ZNF609: variants seen among roughly 807,000 people sequenced by gnomAD.
ZNF609 encodes the protein zinc finger protein 609.
A neutral mutation model predicts 109.5 loss-of-function variants in ZNF609; 11 were observed. The ratio of observed to expected loss-of-function variants is 0.10; its 90% CI spans 0.06 to 0.17. The LOEUF (loss-of-function observed/expected upper bound fraction) is 0.17, where lower values mean the gene tolerates loss of function less well. Among genes scored for constraint, ZNF609 ranks in the 10% least tolerant of loss-of-function variants. The probability of loss-of-function intolerance (pLI) is 1.00; values close to 1 mark genes in which losing one functional copy is unlikely to be tolerated. For missense variants in ZNF609, 1,559 were observed against 1,772.4 expected, an observed-to-expected ratio of 0.88 and a Z score of 2.16; for synonymous variants, 646 against 662.0, an observed-to-expected ratio of 0.98 and a Z score of 0.37.
chr15:64,616,969 C>T (rs1356325556), intron 2 of ZNF609, among the ~76,000 whole-genome samples: 24 of 151,284 alleles, frequency 1.6e-4, no homozygotes, highest in African/African-American at 2.4e-4. Flanking sequence ...CCACCATGCC[C>T]GGCTAATTTT....
rs756654600 is a variant in ZNF609, at chr15:64,675,292, T to A, written c.2438T>A (p.Leu813His). 9 of 1,613,978 alleles carry A rather than the reference T, an allele frequency of 5.6e-6. No homozygotes were observed. Among genetic ancestry groups the A allele is most frequent in the Non-Finnish European group, 6.8e-6 (8 of 1,180,030 alleles). Reference protein sequence around the residue: ...PSPSIGGSSRLENTTPTQPLT... With the variant: ...PSPSIGGSSRHENTTPTQPLT... ...CCTTCCATTGGAGGCAGTAGCCGCC[T>A]TGAAAACACTACCCCTACTCAGCCC... The change falls in exon 5 of 10, where the codon CTT becomes CAT. Residue 813 changes from leucine to histidine, a missense_variant. By Grantham distance (99) the Leu-to-His change is moderately conservative. This residue lies in a region of ZNF609 where 1,204 missense variants were observed against 1,314.1 expected (regional missense o/e 0.92). Transcript: ENST00000326648.
intron 3 of ZNF609, chr15:64,631,138 C>A: frequency 3.5e-6 from 2 of 578,096 alleles, no homozygotes; most frequent in African/African-American, 1.9e-5. Flanking sequence ...GGAAGAGGTT[C>A]CAGCAGTTCA....
chr15:64,560,664 A>T (rs1159866594), intron 2 of ZNF609, among the ~76,000 whole-genome samples: 1 of 152,154 alleles, frequency 6.6e-6, no homozygotes, highest in Admixed American at 6.5e-5. Flanking sequence ...TTGAAGTGGG[A>T]TGCTTGGCAA....
At chr15:64,491,524 C>G (rs1893411929) in intron 1 of ZNF609, among the ~76,000 whole-genome samples, 3 of 152,046 alleles carry the variant, frequency 2.0e-5, no homozygotes, top group African/African-American at 7.2e-5. Flanking sequence ...TGGGTTAGAA[C>G]AACTGGCAAA....
rs906363297 is a variant in ZNF609, at chr15:64,528,921, T to A, written c.747+28755T>A. 4 of 1,188,824 alleles carry A rather than the reference T, an allele frequency of 3.4e-6. No individual in the cohort carries two copies. The East Asian group carries it at 9.7e-5, about 29-fold the overall frequency. 73.6% of individuals were successfully genotyped at this position (1,188,824 alleles called of 1,614,324 possible). A position where few individuals can be genotyped will look rare whatever the true frequency, so the allele number is the denominator to read the frequency against. On this transcript the variant is annotated intron_variant, in intron 2 of 9. Transcript: ENST00000326648. The stretch of plus-strand genomic sequence containing the variant: ...TTCTTGATGTCATCATATTGGCAGG[T>A]TTTTCCAGACGACAGGTCAGGTCCG...
At chr15:64,507,090 T>A (rs1319616383) in intron 2 of ZNF609, among the ~76,000 whole-genome samples, 3 of 152,168 alleles carry the variant, frequency 2.0e-5, no homozygotes, top group African/African-American at 7.2e-5. Flanking sequence ...CCTGTTGAAT[T>A]TCAGACTTCA....
intron 2 of ZNF609, chr15:64,529,580 C>G: frequency 7.3e-7 from 1 of 1,365,038 alleles, no homozygotes; most frequent in Non-Finnish European, 1.0e-6. Context: ...TTGATGGCAA[C>G]AATATCCACT....
chr15:64,531,585 G>A (rs1044782362), intron 2 of ZNF609, among the ~76,000 whole-genome samples: 5 of 151,974 alleles, frequency 3.3e-5, no homozygotes, highest in South Asian at 4.2e-4. Context: ...TTTTTGTGGA[G>A]ACGGGGTCTC....
chr15:64,620,319 A>T (rs1895858008), intron 2 of ZNF609, among the ~76,000 whole-genome samples: 1 of 152,240 alleles, frequency 6.6e-6, no homozygotes, highest in Non-Finnish European at 1.5e-5. Context: ...AGGTGAGGCC[A>T]AGAGTAAAGA....
intron 2 of ZNF609, among the ~76,000 whole-genome samples, chr15:64,513,871 T>A (rs1893768869): frequency 6.6e-6 from 1 of 152,056 alleles, no homozygotes; most frequent in Admixed American, 6.6e-5. Flanking sequence ...GTGGGAGGAC[T>A]GCTTGAGCTT....
At chr15:64,661,606 G>T (rs947831675) in intron 3 of ZNF609, among the ~76,000 whole-genome samples, 2 of 152,178 alleles carry the variant, frequency 1.3e-5, no homozygotes, top group Non-Finnish European at 2.9e-5. Flanking sequence ...CAATGCTACT[G>T]GAATATTCAG....
intron 2 of ZNF609, among the ~76,000 whole-genome samples, chr15:64,536,665 T>C (rs1894149458): frequency 6.7e-6 from 1 of 148,500 alleles, no homozygotes; most frequent in Non-Finnish European, 1.5e-5. Flanking sequence ...TCACTAGAGC[T>C]AAGGAGTTCG....
In ZNF609 at chr15:64,597,644, T is replaced by G. The variant is rs575570139; in HGVS notation, c.748-25183T>G. Among the ~76,000 whole-genome samples the G allele has an allele frequency of 3.3e-5, 5 of 152,354 alleles. No homozygotes were observed. The East Asian group carries it at 7.7e-4, about 24-fold the overall frequency. ...CAGAGAGGGGTTTGATATTGTTGTT[T>G]ATTTCTCAACAAAGATCTTGCATAT... On this transcript the variant is annotated intron_variant, in intron 2 of 9. Transcript: ENST00000326648.
At chr15:64,527,964 C>T (rs1357229456) in intron 2 of ZNF609, among the ~76,000 whole-genome samples, 1 of 152,178 alleles carries the variant, frequency 6.6e-6, no homozygotes, top group East Asian at 1.9e-4. Flanking sequence ...TTTCTCTTTA[C>T]AGCATATTCT....
At chr15:64,589,878 T>C (rs1005214974) in intron 2 of ZNF609, among the ~76,000 whole-genome samples, 3 of 152,238 alleles carry the variant, frequency 2.0e-5, no homozygotes, top group African/African-American at 7.2e-5. Flanking sequence ...AAAAACTCGA[T>C]GCTTTTGGAA....
intron 2 of ZNF609, among the ~76,000 whole-genome samples, chr15:64,533,913 G>A (rs1373977754): frequency 6.6e-6 from 1 of 151,742 alleles, no homozygotes. Context: ...CGTATGTGTC[G>A]TTATTTCCAT....
At position 64,577,382 on chromosome 15, in the gene ZNF609, T is replaced by C. The variant is rs1381056910; in HGVS notation, c.748-45445T>C. The stretch of plus-strand genomic sequence containing the variant: ...ACATATATGTATATATATACACATA[T>C]AAATATATACACATATATGTATATA... On this transcript the variant is annotated intron_variant, in intron 2 of 9. Coordinates refer to ENST00000326648, the MANE Select transcript of ZNF609 (RefSeq NM_015042.2). Among the ~76,000 whole-genome samples, 3 of 19,496 alleles carry C rather than the reference T, an allele frequency of 1.5e-4. 1 individual carries two copies. Among genetic ancestry groups the C allele is most frequent in the African/African-American group, 2.4e-4 (3 of 12,388 alleles). 12.8% of individuals were successfully genotyped at this position (19,496 alleles called of 152,430 possible). A position where few individuals can be genotyped will look rare whatever the true frequency, so the allele number is the denominator to read the frequency against.
intron 2 of ZNF609, among the ~76,000 whole-genome samples, chr15:64,543,332 T>C (rs1224869918): frequency 6.8e-6 from 1 of 147,562 alleles, no homozygotes; most frequent in African/African-American, 2.5e-5. Flanking sequence ...GGCAGTTCCC[T>C]AGACATGCCA....
chr15:64,498,293 G>GCCTGC (rs1316662684), intron 1 of ZNF609, among the ~76,000 whole-genome samples: 1 of 151,968 alleles, frequency 6.6e-6, no homozygotes, highest in Non-Finnish European at 1.5e-5. Flanking sequence ...CAGGTGATTA[G>GCCTGC]CCTGCCTCTG....
Sources: gnomAD v4.1 joint callset for allele counts (sites outside exome capture counted in the v4.1 genomes callset) on GRCh38, gnomAD v4.1.1 for gene constraint, gnomAD v4.1.1 regional missense constraint, MANE v1.5 for transcripts, NCBI Gene and HGNC (gene_info 2026-07-23, HGNC 2026-07-21) for gene names.